The following RAB11FIP3 variants were observed in gnomAD, a reference collection of about 807,000 sequenced individuals.
RAB11FIP3 encodes RAB11 family interacting protein 3.
Under a neutral mutation model 77.8 loss-of-function variants are expected in RAB11FIP3, and 17 were observed. The ratio of observed to expected loss-of-function variants is 0.22; its 90% CI spans 0.15 to 0.33. The LOEUF (loss-of-function observed/expected upper bound fraction) is 0.33, where lower values mean the gene tolerates loss of function less well. RAB11FIP3 is among the 10% of genes least tolerant of loss of function. The pLI is 1.00. For missense variants in RAB11FIP3, 1,005 were observed against 1,011.2 expected (o/e 0.99, Z 0.08); for synonymous variants, 437 against 448.2 (o/e 0.98, Z 0.31).
chr16:458,597 C>T (rs2055546820), intron 1 of RAB11FIP3, among the ~76,000 whole-genome samples: 1 of 152,140 alleles, frequency 6.6e-6, no homozygotes, highest in African/African-American at 2.4e-5. Context: ...CCTGGGGGGC[C>T]TTCCTCGGGT....
chr16:463,317 C>G (rs1007219989), intron 2 of RAB11FIP3, among the ~76,000 whole-genome samples: 1 of 151,918 alleles, frequency 6.6e-6, no homozygotes, highest in Non-Finnish European at 1.5e-5. Flanking sequence ...ACCTCGACCT[C>G]AGGTCTTGTC....
At chr16:501,023 A>G (rs2031481227) in intron 6 of RAB11FIP3, among the ~76,000 whole-genome samples, 2 of 152,158 alleles carry the variant, frequency 1.3e-5, no homozygotes, top group African/African-American at 2.4e-5. Flanking sequence ...TGAGAATCTG[A>G]TGAAATCCCC....
chr16:519,181 G>A, intron 10 of RAB11FIP3, 157 bp downstream of exon 10: 1 of 724,012 alleles, frequency 1.4e-6, no homozygotes, highest in African/African-American at 1.8e-5. Flanking sequence ...GGAAGACACT[G>A]GACCGTGCTC....
In RAB11FIP3 at chr16:482,554, G is replaced by A. The variant is rs767659733; in HGVS notation, c.933G>A (p.Met311Ile). 1.2e-6 allele frequency: 2 copies of A among 1,613,608 alleles called. No individual in the cohort carries two copies. Among genetic ancestry groups the A allele is most frequent in the Non-Finnish European group, 1.7e-6 (2 of 1,180,040 alleles). ...EANEVTDSAY[M>I]GSESTYSECE... is the part of the protein sequence containing the mutation. Reference sequence around the variant, plus strand: ...ACGAGGTGACGGACAGCGCGTACATGGGCTCCGAGAGCACCTACAGTGAGT... The same window carrying A: ...ACGAGGTGACGGACAGCGCGTACATAGGCTCCGAGAGCACCTACAGTGAGT... Residue 311 changes from methionine (M) to isoleucine (I), a missense_variant, in exon 4 of 14, where the codon ATG (methionine) becomes ATA (isoleucine). Physicochemically the swap from Met to Ile is conservative, Grantham distance 10. Around this residue, in one of 4 missense-constraint regions of RAB11FIP3, gnomAD observed 16 missense variants for 37.1 expected, o/e 0.43. Transcript: ENST00000262305.
intron 2 of RAB11FIP3, among the ~76,000 whole-genome samples, chr16:468,445 C>T (rs576807608): frequency 6.6e-6 from 1 of 151,972 alleles, no homozygotes; most frequent in African/African-American, 2.4e-5. Flanking sequence ...TAGAATAAAA[C>T]GAAGTCGAAG....
At position 472,140 on chromosome 16, in the gene RAB11FIP3, G is replaced by A. The variant is rs562908669; in HGVS notation, c.903+751G>A. On this transcript the variant is annotated intron_variant, in intron 3 of 13. Coordinates refer to ENST00000262305, the MANE Select transcript of RAB11FIP3 (RefSeq NM_014700.4). This position sits in a 1 kb window ranked among gnomAD's most constrained non-coding sequence, Gnocchi z 4.1. The stretch of plus-strand genomic sequence containing the variant: ...TCAGTCCTCTGAGCCCTGACTCCTC[G>A]AAAGCTGAGGCTGGCACAGGGTAGT... 1.3e-5 allele frequency among the ~76,000 whole-genome samples: 2 copies of A among 152,320 alleles called. No homozygotes were observed. The highest frequency in any genetic ancestry group is 6.5e-5 in the Admixed American group (1 of 15,308).
chr16:454,562 TCAAAAC>T (rs1382433480), intron 1 of RAB11FIP3, among the ~76,000 whole-genome samples: 1 of 151,762 alleles, frequency 6.6e-6, no homozygotes, highest in Non-Finnish European at 1.5e-5. Flanking sequence ...GTATACCTCC[TCAAAAC>T]CAAAACCAAA....
Position 461,413 on chromosome 16 carries a change from T to C in RAB11FIP3, c.724T>C (p.Leu242=), listed in dbSNP as rs1453263609. The stretch of plus-strand genomic sequence containing the variant: ...CATTTGGCAATTACAGGTGAAGGAC[T>C]TAACTAAGTACTTGGATCCCAGTGG... The part of the protein sequence containing the change: ...TVYGAEQVKD[L]TKYLDPSGLG... Residue 242 remains leucine (L), a synonymous_variant, in exon 2 of 14, where the codon TTA becomes CTA. Coordinates refer to ENST00000262305, the MANE Select transcript of RAB11FIP3 (RefSeq NM_014700.4). This position sits in a 1 kb window ranked among gnomAD's most constrained non-coding sequence, Gnocchi z 4.5. 6.2e-7 allele frequency: 1 copy of C among 1,613,804 alleles called. No homozygotes were observed. The highest frequency in any genetic ancestry group is 1.1e-5 in the South Asian group (1 of 91,032).
chr16:516,229 A>T (rs898967401), intron 9 of RAB11FIP3, among the ~76,000 whole-genome samples: 1 of 152,136 alleles, frequency 6.6e-6, no homozygotes. Flanking sequence ...ACTTACACCA[A>T]ATTCTGGGTG....
chr16:473,023 G>A (rs1435672849), intron 3 of RAB11FIP3, among the ~76,000 whole-genome samples: 3 of 152,196 alleles, frequency 2.0e-5, no homozygotes, highest in Non-Finnish European at 4.4e-5. Flanking sequence ...GCCTTAGGCA[G>A]GAGCCAGCCC....
intron 6 of RAB11FIP3, chr16:502,744 T>C (rs2031600998): frequency 1.9e-6 from 1 of 534,822 alleles, no homozygotes; most frequent in African/African-American, 2.0e-5. Context: ...TTCTGTCAGG[T>C]TCCAAAGAGC....
chr16:510,835 C>G, intron 9 of RAB11FIP3, 35 bp downstream of exon 9: 1 of 1,605,732 alleles, frequency 6.2e-7, no homozygotes, highest in Non-Finnish European at 8.5e-7. Context: ...CACCCCAGAA[C>G]CTGCAGGCCA....
chr16:520,639 A>G (rs2032643301), intron 13 of RAB11FIP3, 40 bp downstream of exon 13: 1 of 1,610,664 alleles, frequency 6.2e-7, no homozygotes, highest in Non-Finnish European at 8.5e-7. Flanking sequence ...CCTGGGGTCC[A>G]CAGTCTGCAC....
intron 1 of RAB11FIP3, among the ~76,000 whole-genome samples, chr16:441,600 C>T (rs1009210102): frequency 5.4e-4 from 82 of 152,322 alleles, no homozygotes; most frequent in East Asian, 1.7e-3. Context: ...CTCACGCACG[C>T]GGACCCTAAT....
At chr16:468,216 G>A (rs1431834466) in intron 2 of RAB11FIP3, among the ~76,000 whole-genome samples, 5 of 136,506 alleles carry the variant, frequency 3.7e-5, no homozygotes, top group Admixed American at 7.2e-5. Flanking sequence ...CAGGGAGGAG[G>A]TGCTGGGGCG....
intron 1 of RAB11FIP3, among the ~76,000 whole-genome samples, chr16:449,722 T>C (rs146388119): frequency 6.6e-6 from 1 of 151,656 alleles, no homozygotes; most frequent in East Asian, 1.9e-4. Context: ...GAGGCTGAGT[T>C]GGGTGGATCA....
intron 5 of RAB11FIP3, among the ~76,000 whole-genome samples, chr16:492,366 C>CCG (rs2030399739): frequency 7.4e-6 from 1 of 134,266 alleles, no homozygotes; most frequent in East Asian, 2.6e-4. Flanking sequence ...AGGGTCTTCC[C>CCG]GGGAGACCCG....
chr16:489,556 T>C (rs2141770553), intron 5 of RAB11FIP3, among the ~76,000 whole-genome samples: 1 of 152,244 alleles, frequency 6.6e-6, no homozygotes, highest in East Asian at 1.9e-4. Context: ...GGCTCCCACG[T>C]GGGAGTCAGT....
Position 472,337 on chromosome 16 carries a change from A to G in RAB11FIP3, c.903+948A>G, listed in dbSNP as rs548723037. 3.6e-4 allele frequency among the ~76,000 whole-genome samples: 55 copies of G among 152,276 alleles called. No homozygotes were observed. The highest frequency in any genetic ancestry group is 1.0e-3 in the South Asian group (5 of 4,820). On this transcript the variant is annotated intron_variant, in intron 3 of 13. Transcript: ENST00000262305. The surrounding 1 kb of genome is among the most constrained non-coding windows in gnomAD (Gnocchi z 4.1). ...TCTGCCTTACGGCGGTGTCCCAGTTATCAGCTGGGCTGCAGCTTCTGGGGC... is the reference window on the plus strand; with the variant it reads ...TCTGCCTTACGGCGGTGTCCCAGTTGTCAGCTGGGCTGCAGCTTCTGGGGC...
Sources: allele counts gnomAD v4.1 joint callset (sites outside exome capture counted in the v4.1 genomes callset), GRCh38; gene constraint gnomAD v4.1.1; regional missense constraint gnomAD v4.1.1; non-coding constraint Gnocchi (gnomAD v3.1); transcripts MANE v1.5; gene names NCBI Gene and HGNC (gene_info 2026-07-23, HGNC 2026-07-21).